Variants in GALNTL6 observed in about 807,000 individuals in gnomAD.
GALNTL6 encodes the protein polypeptide N-acetylgalactosaminyltransferase-like 6.
In GALNTL6, 46 loss-of-function variants were observed where a neutral mutation model predicts 73.7. The observed-to-expected ratio is 0.62, with a 90% CI of 0.49 to 0.80. The LOEUF is 0.80. GALNTL6 is among the 30% of genes least tolerant of loss of function. The pLI is 0.00. For missense variants in GALNTL6, 604 were observed against 755.0 expected (o/e 0.80, Z 2.34); for synonymous variants, 259 against 263.7 (o/e 0.98, Z 0.17).
intron 11 of GALNTL6, among the ~76,000 whole-genome samples, chr4:173,013,015 T>C (rs1294314006): frequency 6.6e-6 from 1 of 152,160 alleles, no homozygotes; most frequent in Non-Finnish European, 1.5e-5. Context: ...GCTGATTATA[T>C]ACATATATCC....
chr4:172,972,229 AGAAT>A (rs1218574613), intron 10 of GALNTL6, among the ~76,000 whole-genome samples: 5 of 152,222 alleles, frequency 3.3e-5, no homozygotes, highest in African/African-American at 9.6e-5. Flanking sequence ...TCTTGATCCA[AGAAT>A]GAATAAGTGG....
intron 2 of GALNTL6, among the ~76,000 whole-genome samples, chr4:172,212,913 C>G (rs962217563): frequency 6.6e-6 from 1 of 152,084 alleles, no homozygotes; most frequent in Non-Finnish European, 1.5e-5. Flanking sequence ...TCAAGTGATC[C>G]GCCTACCTTG....
chr4:172,007,763 A>G (rs1398544579), intron 2 of GALNTL6, among the ~76,000 whole-genome samples: 3 of 152,156 alleles, frequency 2.0e-5, no homozygotes, highest in Non-Finnish European at 4.4e-5. Context: ...ATGAACACAG[A>G]GCCCATCCAG....
chr4:173,011,408 G>A (rs903948866), intron 11 of GALNTL6, among the ~76,000 whole-genome samples: 1 of 152,124 alleles, frequency 6.6e-6, no homozygotes, highest in Non-Finnish European at 1.5e-5. Flanking sequence ...TGCTTGGGGG[G>A]TATTACTCAA....
rs1463691067 is a variant in GALNTL6, at chr4:172,269,918, A to AT, written c.247+40160dup. ...GGGTGCCTGCCACCATGGCCAGCTAATTTTTTGTATTATTTTTAGTAGAGA... is the reference window on the plus strand; with the variant it reads ...GGGTGCCTGCCACCATGGCCAGCTAATTTTTTTGTATTATTTTTAGTAGAGA... On this transcript the variant is annotated intron_variant, in intron 3 of 12. Transcript: ENST00000506823. 4.6e-5 allele frequency among the ~76,000 whole-genome samples: 7 copies of AT among 151,912 alleles called. No individual in the cohort carries two copies. The East Asian group carries it at 1.2e-3, about 25-fold the overall frequency.
intron 5 of GALNTL6, among the ~76,000 whole-genome samples, chr4:172,466,602 G>A (rs1353096165): frequency 6.6e-6 from 1 of 152,094 alleles, no homozygotes; most frequent in South Asian, 2.1e-4. Flanking sequence ...TAAAAAACAC[G>A]CTATTAATAG....
At chr4:172,646,153 T>C (rs1363074274) in intron 5 of GALNTL6, among the ~76,000 whole-genome samples, 1 of 152,094 alleles carries the variant, frequency 6.6e-6, no homozygotes, top group East Asian at 1.9e-4. Context: ...TCCAACTTTG[T>C]TCTTCTTCTA....
intron 2 of GALNTL6, among the ~76,000 whole-genome samples, chr4:172,017,082 A>G (rs1345939475): frequency 6.6e-6 from 1 of 152,142 alleles, no homozygotes; most frequent in Admixed American, 6.6e-5. Context: ...GTTATTCCTG[A>G]GTAGGCACTG....
chr4:172,491,115 A>G (rs1733878740), intron 5 of GALNTL6, among the ~76,000 whole-genome samples: 1 of 152,176 alleles, frequency 6.6e-6, no homozygotes, highest in African/African-American at 2.4e-5. Flanking sequence ...TAGTAACATT[A>G]GCATGGACAA....
At chr4:171,834,333 A>G (rs1311443628) in intron 2 of GALNTL6, among the ~76,000 whole-genome samples, 1 of 151,966 alleles carries the variant, frequency 6.6e-6, no homozygotes, top group Non-Finnish European at 1.5e-5. Flanking sequence ...ATGAGTTAAC[A>G]TTCATGCCTC....
chr4:172,477,893 A>G (rs765502742), intron 5 of GALNTL6, among the ~76,000 whole-genome samples: 9 of 152,164 alleles, frequency 5.9e-5, no homozygotes, highest in Non-Finnish European at 1.0e-4. Context: ...GTAGAAAAAA[A>G]ACAGGAAGAA....
In GALNTL6 at chr4:172,547,041, G is replaced by A. The variant is rs114371927; in HGVS notation, c.553+198352G>A. 5.7e-3 allele frequency among the ~76,000 whole-genome samples: 866 copies of A among 151,078 alleles called. 9 individuals are homozygous for A. The highest frequency in any genetic ancestry group is 0.02 in the African/African-American group (816 of 41,172). On this transcript the variant is annotated intron_variant, in intron 5 of 12. Transcript: ENST00000506823. Reference sequence around the variant, plus strand: ...TCCTGGCAGCCACCATTCTACCCTCGGTCTCTAAGAATTTGACTACTCTAC... The same window carrying A: ...TCCTGGCAGCCACCATTCTACCCTCAGTCTCTAAGAATTTGACTACTCTAC...
chr4:172,109,270 T>C (rs1459289394), intron 2 of GALNTL6, among the ~76,000 whole-genome samples: 1 of 152,086 alleles, frequency 6.6e-6, no homozygotes, highest in Non-Finnish European at 1.5e-5. Flanking sequence ...TTTTTTTTCT[T>C]GCATAAAAGA....
Position 172,385,523 on chromosome 4 carries a change from AAT to A in GALNTL6, c.553+36843_553+36844del, listed in dbSNP as rs200497165. ...ATAATTGACCCTTTTTTCATTATAA[AAT>A]ATATATATGTTTTGCTTTTATATCA... On this transcript the variant is annotated intron_variant, in intron 5 of 12. Coordinates refer to ENST00000506823, the MANE Select transcript of GALNTL6 (RefSeq NM_001034845.3). Among the ~76,000 whole-genome samples the A allele has an allele frequency of 8.1e-3, 1,225 of 152,058 alleles. 11 individuals carry two copies. Among genetic ancestry groups the A allele is most frequent in the African/African-American group, 0.028 (1,155 of 41,528 alleles).
chr4:172,485,587 T>G (rs1187331975), intron 5 of GALNTL6, among the ~76,000 whole-genome samples: 1 of 152,178 alleles, frequency 6.6e-6, no homozygotes, highest in Non-Finnish European at 1.5e-5. Context: ...AATTAGTTTT[T>G]AATTAATTAA....
intron 2 of GALNTL6, among the ~76,000 whole-genome samples, chr4:172,168,681 CATA>C (rs1484663947): frequency 1.3e-4 from 19 of 151,616 alleles, no homozygotes; most frequent in Non-Finnish European, 2.2e-4. Flanking sequence ...GTGATGGTGA[CATA>C]ATAATGATGA....
chr4:172,497,719 G>T (rs1468061808), intron 5 of GALNTL6, among the ~76,000 whole-genome samples: 1 of 152,166 alleles, frequency 6.6e-6, no homozygotes, highest in African/African-American at 2.4e-5. Flanking sequence ...ATTTTTCTCT[G>T]AAGCTGAAGA....
chr4:172,006,629 G>A lies in GALNTL6; in HGVS notation c.138+191911G>A, dbSNP rs574517652. ...CAGAGTGAGACCCTGTCCAAAAAAG[G>A]AAAAGAAAAGAAAAGAAAAAAAGTA... On this transcript the variant is annotated intron_variant, in intron 2 of 12. Transcript: ENST00000506823. Among the ~76,000 whole-genome samples, 8 of 151,412 alleles carry A rather than the reference G, an allele frequency of 5.3e-5. No homozygotes were observed. The East Asian group carries it at 1.2e-3, about 22-fold the overall frequency.
chr4:172,586,428 T>A (rs1023083504), intron 5 of GALNTL6, among the ~76,000 whole-genome samples: 2 of 151,942 alleles, frequency 1.3e-5, no homozygotes, highest in African/African-American at 4.8e-5. Flanking sequence ...AGTTTATGAT[T>A]TATTGCCAAT....
Sources: allele counts gnomAD v4.1 joint callset (sites outside exome capture counted in the v4.1 genomes callset), GRCh38; gene constraint gnomAD v4.1.1; transcripts MANE v1.5; gene names NCBI Gene and HGNC (gene_info 2026-07-23, HGNC 2026-07-21).